Variants in MGAT4C observed in about 807,000 individuals in gnomAD.
MGAT4C encodes MGAT4 family member C.
In MGAT4C, 19 loss-of-function variants were observed where a neutral mutation model predicts 40.1. The ratio of observed to expected loss-of-function variants is 0.47; its 90% CI spans 0.33 to 0.70. MGAT4C has a LOEUF of 0.70. MGAT4C is among the 30% of genes least tolerant of loss of function. The pLI, the probability that MGAT4C is intolerant of heterozygous loss-of-function variation, is 0.02. For missense variants in MGAT4C, 491 were observed against 563.2 expected (o/e 0.87, Z 1.30); for synonymous variants, 181 against 187.1 (o/e 0.97, Z 0.27).
chr12:86,520,704 A>C (rs1362385565), intron 2 of MGAT4C, among the ~76,000 whole-genome samples: 2 of 152,236 alleles, frequency 1.3e-5, no homozygotes, highest in East Asian at 3.9e-4. Context: ...ACAGTGTATA[A>C]GCATTCCTTT....
intron 3 of MGAT4C, among the ~76,000 whole-genome samples, chr12:86,394,216 T>C (rs1956206661): frequency 6.6e-6 from 1 of 152,230 alleles, no homozygotes; most frequent in African/African-American, 2.4e-5. Context: ...ATAAACAACA[T>C]ATAGCCATAT....
intron 2 of MGAT4C, among the ~76,000 whole-genome samples, chr12:86,490,376 G>A (rs536320627): frequency 6.6e-6 from 1 of 152,106 alleles, no homozygotes; most frequent in South Asian, 2.1e-4. Context: ...CAAATGCTGA[G>A]AGATTTTGCC....
intron 2 of MGAT4C, among the ~76,000 whole-genome samples, chr12:86,603,310 A>G (rs1961855698): frequency 2.2e-5 from 3 of 138,936 alleles, no homozygotes. Flanking sequence ...ATATAATTAT[A>G]TAGTATATAT....
chr12:86,340,028 C>T (rs548527045), intron 3 of MGAT4C, among the ~76,000 whole-genome samples: 1 of 152,288 alleles, frequency 6.6e-6, no homozygotes, highest in East Asian at 1.9e-4. Flanking sequence ...CCCATTTGAA[C>T]ATTGAATATA....
chr12:86,657,562 GT>G, intron 2 of MGAT4C, among the ~76,000 whole-genome samples: 2 of 151,914 alleles, frequency 1.3e-5, no homozygotes, highest in Non-Finnish European at 1.5e-5. Flanking sequence ...AAGTAACAGT[GT>G]TTTATTTCAT....
At chr12:86,464,405 CA>C (rs1190821496) in intron 2 of MGAT4C, among the ~76,000 whole-genome samples, 2 of 152,124 alleles carry the variant, frequency 1.3e-5, no homozygotes, top group Non-Finnish European at 2.9e-5. Context: ...AATTTTATAT[CA>C]AAATCACTGG....
At position 86,320,538 on chromosome 12, in the gene MGAT4C, A is replaced by T. The variant is rs867350864; in HGVS notation, c.-57+13527T>A. ...TGCCATGTACCAAAAACTGTGCCAAATGCTTTTCAAACAGTATCTCATTTC... is the reference window on the plus strand; with the variant it reads ...TGCCATGTACCAAAAACTGTGCCAATTGCTTTTCAAACAGTATCTCATTTC... On this transcript the variant is annotated intron_variant, in intron 4 of 7. Transcript: ENST00000548651. 7.9e-5 allele frequency among the ~76,000 whole-genome samples: 12 copies of T among 152,292 alleles called. 1 individual carries two copies. The Middle Eastern group carries it at 0.02, about 259-fold the overall frequency.
At chr12:86,484,683 G>T (rs1049788770) in intron 2 of MGAT4C, among the ~76,000 whole-genome samples, 6 of 152,192 alleles carry the variant, frequency 3.9e-5, no homozygotes, top group African/African-American at 7.2e-5. Context: ...GTGGGCTGTG[G>T]CTCCAATCAC....
rs796846729 is a variant in MGAT4C at position 86,689,607 on chromosome 12, T to C, written c.-229+37602A>G. Among the ~76,000 whole-genome samples, 18 of 152,326 alleles carry C rather than the reference T, an allele frequency of 1.2e-4. 1 individual carries two copies. Among genetic ancestry groups the C allele is most frequent in the African/African-American group, 3.6e-4 (15 of 41,576 alleles). On this transcript the variant is annotated intron_variant, in intron 2 of 7. Transcript: ENST00000548651. ...TCTGTTGGAGTTTGCTGGACATCCA[T>C]TGCAGACCCTTTTTGCCTGGGTATC...
At chr12:86,522,501 G>T (rs969525316) in intron 2 of MGAT4C, among the ~76,000 whole-genome samples, 1 of 152,104 alleles carries the variant, frequency 6.6e-6, no homozygotes, top group African/African-American at 2.4e-5. Flanking sequence ...GATTAGGTTT[G>T]CCAGAATCTG....
At chr12:86,584,545 TTC>T (rs1960926316) in intron 2 of MGAT4C, among the ~76,000 whole-genome samples, 3 of 151,204 alleles carry the variant, frequency 2.0e-5, no homozygotes, top group Non-Finnish European at 4.4e-5. Context: ...AATTTAATAT[TTC>T]TTTTACCTAT....
At chr12:86,107,404 T>C (rs1300828533) in intron 1 of MGAT4C, among the ~76,000 whole-genome samples, 1 of 152,092 alleles carries the variant, frequency 6.6e-6, no homozygotes, top group African/African-American at 2.4e-5. Context: ...TGATAATCCA[T>C]ATGTAATCCT....
intron 2 of MGAT4C, among the ~76,000 whole-genome samples, chr12:86,677,209 TTAAG>T (rs1330926099): frequency 1.3e-5 from 2 of 152,156 alleles, no homozygotes; most frequent in African/African-American, 4.8e-5. Context: ...CCTTCCTGAA[TTAAG>T]TAAAATGTTA....
intron 1 of MGAT4C, among the ~76,000 whole-genome samples, chr12:86,765,703 G>A (rs1951493358): frequency 6.6e-6 from 1 of 152,122 alleles, no homozygotes; most frequent in Non-Finnish European, 1.5e-5. Flanking sequence ...GAGAGTGGGG[G>A]CCAATATTCA....
chr12:86,491,106 A>G (rs1958123912), intron 2 of MGAT4C, among the ~76,000 whole-genome samples: 2 of 152,172 alleles, frequency 1.3e-5, no homozygotes, highest in African/African-American at 4.8e-5. Flanking sequence ...AAGAAGTTGA[A>G]TCTCTGAATA....
intron 3 of MGAT4C, among the ~76,000 whole-genome samples, chr12:86,364,193 A>G (rs910496888): frequency 1.3e-5 from 2 of 152,062 alleles, no homozygotes; most frequent in African/African-American, 4.8e-5. Context: ...AAAAGAAGAA[A>G]CATTTGTCAG....
At position 85,961,330 on chromosome 12, in the gene MGAT4C, C is replaced by T. The variant is rs564947170; in HGVS notation, c.*17959G>A. On this transcript the variant is annotated 3_prime_UTR_variant, in exon 5 of 5. Coordinates refer to ENST00000611864, the MANE Select transcript of MGAT4C (RefSeq NM_001351288.2). ...CTTTTATGAGCTCAGAAAAAAATGC[C>T]TAACATGAACATTTAAGCATCTTCT... The T allele has an allele frequency of 9.9e-5, 15 of 151,874 alleles. No individual in the cohort carries two copies. The highest frequency in any genetic ancestry group is 2.9e-4 in the African/African-American group (12 of 41,512). The allele number at this position is 151,874 out of a possible 1,614,324, so 9.4% of individuals were successfully genotyped here.
intron 4 of MGAT4C, among the ~76,000 whole-genome samples, chr12:86,279,718 A>C (rs938123146): frequency 6.6e-6 from 1 of 151,002 alleles, no homozygotes; most frequent in Non-Finnish European, 1.5e-5. Context: ...TTCTTTAATA[A>C]GAATTGTTGG....
intron 1 of MGAT4C, among the ~76,000 whole-genome samples, chr12:86,163,889 T>C (rs544910568): frequency 4.1e-4 from 62 of 152,308 alleles, no homozygotes; most frequent in Non-Finnish European, 6.8e-4. Flanking sequence ...TCTCATATGA[T>C]ACTTTAAAAT....
Sources: gnomAD v4.1 joint callset for allele counts (sites outside exome capture counted in the v4.1 genomes callset) on GRCh38, gnomAD v4.1.1 for gene constraint, MANE v1.5 for transcripts, NCBI Gene and HGNC (gene_info 2026-07-23, HGNC 2026-07-21) for gene names.